Variants in SLC9C1 observed in about 807,000 individuals in gnomAD.
SLC9C1 encodes sodium/hydrogen exchanger 10.
A neutral mutation model predicts 140.9 loss-of-function variants in SLC9C1; 97 were observed. That is an observed-to-expected ratio of 0.69 (90% CI 0.58 to 0.82). The LOEUF is 0.82. Among genes scored for constraint, SLC9C1 ranks in the 40% least tolerant of loss-of-function variants. SLC9C1 has a pLI of 0.00. For synonymous variants in SLC9C1, 440 were observed against 442.6 expected (o/e 0.99, Z 0.07); for missense variants, 1,340 against 1,389.3 (o/e 0.96, Z 0.56).
In SLC9C1 at chr3:112,151,961, A is replaced by T; in HGVS notation, c.3420T>A (p.Asp1140Glu). Residue 1140 changes from aspartate to glutamate, a missense_variant and splice_region_variant, in exon 28 of 29, where the codon GAT becomes GAA. Asp to Glu is a conservative substitution (Grantham distance 45, BLOSUM62 2). Transcript: ENST00000305815. Reference sequence around the variant, plus strand: ...TGGCAGTGGCGGCACTGTGTGCTCCATCCTGGGATTCAAAACACTTTGTTA... The same window carrying T: ...TGGCAGTGGCGGCACTGTGTGCTCCTTCCTGGGATTCAAAACACTTTGTTA... ...GIQEERNVKE[D>E]GAHSAATARS... 1 of 1,582,300 alleles carries T rather than the reference A, an allele frequency of 6.3e-7. No individual in the cohort carries two copies. Among genetic ancestry groups the T allele is most frequent in the Non-Finnish European group, 8.5e-7 (1 of 1,171,058 alleles).
At chr3:112,162,974 T>G (rs1438134608) in intron 26 of SLC9C1, among the ~76,000 whole-genome samples, 1 of 129,734 alleles carries the variant, frequency 7.7e-6, no homozygotes, top group Non-Finnish European at 1.6e-5. Context: ...ATTCAGAGAT[T>G]CAACTTCTTC....
chr3:112,209,557 C>T (rs6805795), intron 15 of SLC9C1, among the ~76,000 whole-genome samples: 45,608 of 151,926 alleles, frequency 0.3, 7,063 homozygotes, highest in East Asian at 0.36. Context: ...GTAAAATGGT[C>T]TCTATTTGTG....
chr3:112,239,394 T>C (rs1308605098), intron 12 of SLC9C1, among the ~76,000 whole-genome samples: 1 of 152,242 alleles, frequency 6.6e-6, no homozygotes, highest in African/African-American at 2.4e-5. Flanking sequence ...CCTGACCCCT[T>C]GCGCTTCCTG....
At chr3:112,191,627 G>C (rs2077663487) in intron 20 of SLC9C1, among the ~76,000 whole-genome samples, 1 of 152,170 alleles carries the variant, frequency 6.6e-6, no homozygotes, top group South Asian at 2.1e-4. Flanking sequence ...TTGCAGGTAT[G>C]TTCATCAGAA....
At chr3:112,242,812 G>A (rs1357172347) in intron 11 of SLC9C1, among the ~76,000 whole-genome samples, 4 of 151,706 alleles carry the variant, frequency 2.6e-5, no homozygotes, top group African/African-American at 9.7e-5. Context: ...CAACTACTAT[G>A]TATCCACAAA....
intron 16 of SLC9C1, among the ~76,000 whole-genome samples, chr3:112,204,912 A>T (rs955295989): frequency 3.9e-5 from 6 of 152,126 alleles, no homozygotes; most frequent in Admixed American, 1.3e-4. Flanking sequence ...ATTTATTAAA[A>T]GATTATGCTT....
chr3:112,274,086 T>C (rs540160621), intron 6 of SLC9C1, among the ~76,000 whole-genome samples: 83 of 152,246 alleles, frequency 5.5e-4, no homozygotes, highest in African/African-American at 1.9e-3. Context: ...AATGCTTTGA[T>C]TTCATAGACA....
At chr3:112,277,965 A>C (rs1559746564) in intron 4 of SLC9C1, 105 bp from the exon 5 acceptor site, 1 of 908,900 alleles carries the variant, frequency 1.1e-6, no homozygotes, top group Non-Finnish European at 1.6e-6. Flanking sequence ...CAACACCAAC[A>C]GTACCCACCA....
At chr3:112,185,550 C>T (rs1001826750) in intron 20 of SLC9C1, 44 of 1,613,136 alleles carry the variant, frequency 2.7e-5, no homozygotes, top group Admixed American at 1.7e-4. Flanking sequence ...AGGCGATCTC[C>T]GCAGCACACA....
chr3:112,266,266 C>T lies in SLC9C1; in HGVS notation c.850G>A (p.Ala284Thr). Residue 284 changes from alanine to threonine, a missense_variant, in exon 8 of 29, where the codon GCA (alanine) becomes ACA (threonine). By Grantham distance (58) the Ala-to-Thr change is moderately conservative (BLOSUM62 0). Coordinates refer to ENST00000305815, the MANE Select transcript of SLC9C1 (RefSeq NM_183061.3). ...AGAAGAAGTGTTTCTTCAATTGCTGCTTTAAAACTTGTAGAATTTAAAAGA... is the reference window on the plus strand; with the variant it reads ...AGAAGAAGTGTTTCTTCAATTGCTGTTTTAAAACTTGTAGAATTTAAAAGA... ...GLLLNSTSFK[A>T]AIEETLLLEF... The T allele has an allele frequency of 1.2e-6, 2 of 1,610,832 alleles. No homozygotes were observed. Among genetic ancestry groups the T allele is most frequent in the Non-Finnish European group, 1.7e-6 (2 of 1,178,710 alleles).
chr3:112,239,596 C>T (rs200689328), intron 12 of SLC9C1, among the ~76,000 whole-genome samples: 1 of 151,846 alleles, frequency 6.6e-6, no homozygotes, highest in Admixed American at 6.6e-5. Flanking sequence ...CATCTTGGAA[C>T]CATGCCCCCA....
intron 28 of SLC9C1, among the ~76,000 whole-genome samples, chr3:112,145,305 G>A (rs925250573): frequency 1.3e-5 from 2 of 151,216 alleles, no homozygotes; most frequent in African/African-American, 4.9e-5. Context: ...CAGAAATAAA[G>A]CCTACTTGAT....
Position 112,249,961 on chromosome 3 carries a change from G to A in SLC9C1, c.1198-5885C>T, listed in dbSNP as rs561126065. 8.8e-4 allele frequency among the ~76,000 whole-genome samples: 134 copies of A among 151,950 alleles called. 1 individual carries two copies. The highest frequency in any genetic ancestry group is 3.0e-3 in the African/African-American group (123 of 41,410). ...AAGTTTTAGGGTACATGTGCACAAC[G>A]TGCAGGTTAGTTACATATGTATACA... On this transcript the variant is annotated intron_variant, in intron 10 of 28. Coordinates refer to ENST00000305815, the MANE Select transcript of SLC9C1 (RefSeq NM_183061.3).
At chr3:112,194,524 T>G (rs2077730409) in intron 20 of SLC9C1, among the ~76,000 whole-genome samples, 1 of 152,220 alleles carries the variant, frequency 6.6e-6, no homozygotes, top group South Asian at 2.1e-4. Flanking sequence ...TGTGCCATCT[T>G]GCCTATGTCA....
chr3:112,245,290 A>G (rs573028464), intron 10 of SLC9C1, among the ~76,000 whole-genome samples: 1 of 152,274 alleles, frequency 6.6e-6, no homozygotes, highest in East Asian at 1.9e-4. Context: ...TGTCTGTTCA[A>G]ATATGTTGTA....
chr3:112,274,149 C>G (rs927883273), intron 6 of SLC9C1, among the ~76,000 whole-genome samples: 2 of 152,012 alleles, frequency 1.3e-5, no homozygotes, highest in Admixed American at 1.3e-4. Context: ...GATTCAGAGA[C>G]TAAACATTGA....
intron 22 of SLC9C1, among the ~76,000 whole-genome samples, chr3:112,180,341 G>A (rs1183912679): frequency 6.6e-6 from 1 of 152,090 alleles, no homozygotes; most frequent in Non-Finnish European, 1.5e-5. Context: ...GGCTAACACG[G>A]TGAAACCCCG....
intron 20 of SLC9C1, among the ~76,000 whole-genome samples, chr3:112,191,060 G>T (rs1172985942): frequency 6.6e-6 from 1 of 151,366 alleles, no homozygotes; most frequent in Non-Finnish European, 1.5e-5. Flanking sequence ...TTGTATAGTT[G>T]ACTTTGTATC....
At chr3:112,283,804 A>C (rs1320559281) in intron 2 of SLC9C1, among the ~76,000 whole-genome samples, 1 of 136,078 alleles carries the variant, frequency 7.3e-6, no homozygotes, top group African/African-American at 2.8e-5. Flanking sequence ...AAACTTGCAT[A>C]AATTTTGCTG....
Sources: gnomAD v4.1 joint callset for allele counts (sites outside exome capture counted in the v4.1 genomes callset) on GRCh38, gnomAD v4.1.1 for gene constraint, MANE v1.5 for transcripts, NCBI Gene and HGNC (gene_info 2026-07-23, HGNC 2026-07-21) for gene names.